Variants in PCDH7 observed in about 807,000 individuals in gnomAD.
PCDH7 encodes protocadherin 7, also known as protocadherin-7.
Under a neutral mutation model 58.9 loss-of-function variants are expected in PCDH7, and 17 were observed. The observed-to-expected ratio is 0.29, with a 90% confidence interval of 0.20 to 0.43. PCDH7 has a LOEUF of 0.43. Among genes scored for constraint, PCDH7 ranks in the 20% least tolerant of loss-of-function variants. The probability of loss-of-function intolerance (pLI) is 1.00; values close to 1 mark genes in which losing one functional copy is unlikely to be tolerated. For missense variants in PCDH7, 1,274 were observed against 1,441.0 expected (o/e 0.88, Z 1.88); for synonymous variants, 664 against 616.4 (o/e 1.08, Z -1.14).
chr4:31,126,115 A>G (rs1296382815), intron 3 of PCDH7, among the ~76,000 whole-genome samples: 1 of 149,236 alleles, frequency 6.7e-6, no homozygotes, highest in African/African-American at 2.5e-5. Flanking sequence ...ACAGTGCTTG[A>G]CATATCCTTT....
chr4:30,943,017 G>C (rs894724448), intron 2 of PCDH7, among the ~76,000 whole-genome samples: 2 of 151,840 alleles, frequency 1.3e-5, no homozygotes, highest in African/African-American at 4.8e-5. Context: ...GAGAACATAG[G>C]GTGACACTGG....
At chr4:31,129,194 G>A (rs1427065095) in intron 3 of PCDH7, among the ~76,000 whole-genome samples, 1 of 152,130 alleles carries the variant, frequency 6.6e-6, no homozygotes, top group Non-Finnish European at 1.5e-5. Flanking sequence ...TTACAGAAAA[G>A]GTCATATGAA....
chr4:31,071,147 T>A (rs1304100901), intron 3 of PCDH7, among the ~76,000 whole-genome samples: 2 of 152,064 alleles, frequency 1.3e-5, no homozygotes, highest in African/African-American at 4.8e-5. Context: ...TCAAAGCTCA[T>A]TCACAGGTAG....
At chr4:30,993,744 T>C (rs2109127297) in intron 3 of PCDH7, among the ~76,000 whole-genome samples, 1 of 152,294 alleles carries the variant, frequency 6.6e-6, no homozygotes, top group Admixed American at 6.5e-5. Context: ...TTTAGATTTT[T>C]TTTTTTGGCC....
At chr4:30,917,681 C>T (rs1742655954) in intron 1 of PCDH7, among the ~76,000 whole-genome samples, 1 of 151,890 alleles carries the variant, frequency 6.6e-6, no homozygotes, top group African/African-American at 2.4e-5. Context: ...AAAATATGCA[C>T]AGTCAAAATA....
chr4:31,118,952 C>T (rs934321995), intron 3 of PCDH7, among the ~76,000 whole-genome samples: 1 of 151,948 alleles, frequency 6.6e-6, no homozygotes, highest in Non-Finnish European at 1.5e-5. Flanking sequence ...ACCTCTAGGG[C>T]GCTACTAAAA....
At chr4:31,002,780 C>T (rs1180688135) in intron 3 of PCDH7, among the ~76,000 whole-genome samples, 1 of 152,134 alleles carries the variant, frequency 6.6e-6, no homozygotes, top group Non-Finnish European at 1.5e-5. Context: ...TATATTGATT[C>T]TATCTATAGT....
chr4:31,143,137 G>GA (rs11424149), downstream of PCDH7: 71,345 of 154,578 alleles, frequency 0.46, 18,125 homozygotes, highest in African/African-American at 0.65. Context: ...AAAAAGAAAA[G>GA]AAAAAAAAAG....
intron 1 of PCDH7, among the ~76,000 whole-genome samples, chr4:30,899,772 G>C: frequency 6.6e-6 from 1 of 151,916 alleles, no homozygotes; most frequent in Admixed American, 6.6e-5. Context: ...TTTGTGGGGT[G>C]GGGGTGAGGT....
At chr4:31,145,703 G>A (rs943721947), downstream of PCDH7, 25 of 151,980 alleles carry the variant, frequency 1.6e-4, no homozygotes, top group African/African-American at 5.6e-4. Context: ...ATATTGTTAT[G>A]TCATAAAGCA....
At chr4:31,084,669 A>C (rs965591284) in intron 3 of PCDH7, among the ~76,000 whole-genome samples, 35 of 128,824 alleles carry the variant, frequency 2.7e-4, no homozygotes, top group African/African-American at 9.2e-4. Context: ...AGAGAGAGAG[A>C]GAGAGAGATA....
At chr4:30,761,633 G>A (rs1410202056) in intron 1 of PCDH7, among the ~76,000 whole-genome samples, 1 of 151,770 alleles carries the variant, frequency 6.6e-6, no homozygotes, top group Non-Finnish European at 1.5e-5. Context: ...ATAAAGCTAG[G>A]GACTGCCATA....
chr4:31,120,441 C>CTTTTTTTTTTTTTTT (rs138878762), intron 3 of PCDH7, among the ~76,000 whole-genome samples: 10 of 107,986 alleles, frequency 9.3e-5, no homozygotes, highest in Non-Finnish European at 1.5e-4. Context: ...CTATTTTTTT[C>CTTTTTTTTTTTTTTT]TTTTTTTTTT....
intron 3 of PCDH7, among the ~76,000 whole-genome samples, chr4:31,124,193 G>A (rs1344521360): frequency 2.6e-5 from 4 of 152,200 alleles, no homozygotes; most frequent in Non-Finnish European, 4.4e-5. Context: ...CTTCTACGCA[G>A]TATTTGCCTG....
intron 3 of PCDH7, among the ~76,000 whole-genome samples, chr4:31,046,016 G>T (rs1450740751): frequency 6.6e-6 from 1 of 151,934 alleles, no homozygotes; most frequent in East Asian, 1.9e-4. Flanking sequence ...CTATTTTTAT[G>T]TGAAATGCAA....
intron 1 of PCDH7, among the ~76,000 whole-genome samples, chr4:30,775,161 A>T (rs1281510337): frequency 6.6e-6 from 1 of 152,174 alleles, no homozygotes; most frequent in Non-Finnish European, 1.5e-5. Context: ...ATCTACTGTT[A>T]AAGTGCCGAG....
At chr4:30,787,561 T>C (rs1346059931) in intron 1 of PCDH7, among the ~76,000 whole-genome samples, 1 of 152,082 alleles carries the variant, frequency 6.6e-6, no homozygotes, top group Non-Finnish European at 1.5e-5. Context: ...ACTATGTAAG[T>C]GTTCTAGGAA....
chr4:30,890,189 T>C (rs913900891), intron 1 of PCDH7, among the ~76,000 whole-genome samples: 1 of 152,164 alleles, frequency 6.6e-6, no homozygotes, highest in Non-Finnish European at 1.5e-5. Context: ...CATTGACCAG[T>C]ATTTATAGGT....
intron 3 of PCDH7, among the ~76,000 whole-genome samples, chr4:31,007,207 C>T (rs1752837959): frequency 6.6e-6 from 1 of 152,296 alleles, no homozygotes; most frequent in Middle Eastern, 3.4e-3. Context: ...CTCAATTTCT[C>T]ATCTGTAACA....
Sources: gnomAD v4.1 joint callset for allele counts (sites outside exome capture counted in the v4.1 genomes callset) on GRCh38, gnomAD v4.1.1 for gene constraint, MANE v1.5 for transcripts, NCBI Gene and HGNC (gene_info 2026-07-23, HGNC 2026-07-21) for gene names.